EEF1A2: variants seen among roughly 807,000 people sequenced by gnomAD.
EEF1A2 encodes elongation factor 1-alpha 2.
Under a neutral mutation model 39.3 loss-of-function variants are expected in EEF1A2, and 5 were observed. The observed-to-expected ratio is 0.13, with a 90% CI of 0.07 to 0.27. The LOEUF is 0.27. EEF1A2 is among the 10% of genes least tolerant of loss of function. The pLI, the probability that EEF1A2 is intolerant of heterozygous loss-of-function variation, is 1.00. For missense variants in EEF1A2, 218 were observed against 681.4 expected (o/e 0.32, Z 7.57); for synonymous variants, 287 against 293.7 (o/e 0.98, Z 0.23).
chr20:63,491,868 G>A (rs1475778811), intron 5 of EEF1A2, among the ~76,000 whole-genome samples: 3 of 82,774 alleles, frequency 3.6e-5, no homozygotes, highest in Non-Finnish European at 9.3e-5. Flanking sequence ...ATGGGGAGGT[G>A]GATGGATAGA....
chr20:63,499,048 G>A lies in EEF1A2; in HGVS notation c.-72+10C>T, dbSNP rs2082431936. ...GCGGGGGCGGAGGCCCGGGGGCCGA[G>A]CGTCCTTACCCGGAGCCGAGGTCTC... On this transcript the variant is annotated intron_variant, in intron 1 of 7. Coordinates refer to ENST00000217182, the MANE Select transcript of EEF1A2 (RefSeq NM_001958.5). 6.8e-6 allele frequency: 1 copy of A among 148,094 alleles called. No individual in the cohort carries two copies. Among genetic ancestry groups the A allele is most frequent in the Non-Finnish European group, 1.5e-5 (1 of 66,562 alleles). The allele number at this position is 148,094 out of a possible 1,614,324, so 9.2% of individuals were successfully genotyped here.
At position 63,498,303 on chromosome 20, in the gene EEF1A2, T is replaced by A. The variant is rs1288379327; in HGVS notation, c.-71-469A>T. On this transcript the variant is annotated intron_variant, in intron 1 of 7. Transcript: ENST00000217182. This position sits in a 1 kb window ranked among gnomAD's most constrained non-coding sequence, Gnocchi z 4.1. ...GGGAGAGATGGCCACTGCTCCCCAC[T>A]CCCCTCCTCAGGCAGGGACGGCGCC... is the stretch of plus-strand genomic sequence containing the variant. 1 of 151,592 alleles carries A rather than the reference T, an allele frequency of 6.6e-6. No individual in the cohort carries two copies. Among genetic ancestry groups the A allele is most frequent in the Non-Finnish European group, 1.5e-5 (1 of 68,062 alleles). The allele number at this position is 151,592 out of a possible 1,614,324, so 9.4% of individuals were successfully genotyped here. A position where few individuals can be genotyped will look rare whatever the true frequency, so the allele number is the denominator to read the frequency against.
rs1248485644 is a variant in EEF1A2, at chr20:63,488,248, G to A, written c.*50C>T. ...GGCGGGGCGGGGGCCCGGGCCCGGG[G>A]TTCGGAGCGCGGCACCGCCGGGGAG... On this transcript the variant is annotated 3_prime_UTR_variant, in exon 8 of 8. Transcript: ENST00000217182. The A allele has an allele frequency of 3.7e-5, 36 of 980,228 alleles. No homozygotes were observed. The highest frequency in any genetic ancestry group is 5.3e-4 in the Middle Eastern group (1 of 1,888). 60.7% of individuals were successfully genotyped at this position (980,228 alleles called of 1,614,324 possible). A position where few individuals can be genotyped will look rare whatever the true frequency, so the allele number is the denominator to read the frequency against.
chr20:63,495,834 C>A, intron 3 of EEF1A2, 22 bp downstream of exon 3: 1 of 1,610,830 alleles, frequency 6.2e-7, no homozygotes. Context: ...TCCCCCAGCC[C>A]CGCCTGCTGT....
At position 63,497,027 on chromosome 20, in the gene EEF1A2, G is replaced by C. The variant is rs2082421220; in HGVS notation, c.144+593C>G. ...TCCTGGGTGGGGGATGGGGATCAGA[G>C]AGCAGACCCCGTCTCATGACCGCTC... On this transcript the variant is annotated intron_variant, in intron 2 of 7. Transcript: ENST00000217182. This position sits in a 1 kb window ranked among gnomAD's most constrained non-coding sequence, Gnocchi z 7.3. The C allele has an allele frequency of 6.6e-6, 1 of 152,430 alleles. No individual in the cohort carries two copies. Among genetic ancestry groups the C allele is most frequent in the Admixed American group, 6.5e-5 (1 of 15,284 alleles). 9.4% of individuals were successfully genotyped at this position (152,430 alleles called of 1,614,324 possible).
chr20:63,497,968 A>C lies in EEF1A2; in HGVS notation c.-71-134T>G, dbSNP rs1378657343. On this transcript the variant is annotated intron_variant, in intron 1 of 7. Coordinates refer to ENST00000217182, the MANE Select transcript of EEF1A2 (RefSeq NM_001958.5). The surrounding 1 kb of genome is among the most constrained non-coding windows in gnomAD (Gnocchi z 7.3). ...AGCCCCCATGTTTGGTGGGGAGGGA[A>C]GGGCCCCCACCCACAGCTGGGCCTG... 1 of 651,410 alleles carries C rather than the reference A, an allele frequency of 1.5e-6. No homozygotes were observed. The highest frequency in any genetic ancestry group is 2.4e-6 in the Non-Finnish European group (1 of 408,274). 40.4% of individuals were successfully genotyped at this position (651,410 alleles called of 1,614,324 possible).
At chr20:63,494,659 G>A in intron 4 of EEF1A2, 146 bp downstream of exon 4, 3 of 1,201,980 alleles carry the variant, frequency 2.5e-6, no homozygotes, top group Non-Finnish European at 3.4e-6. Context: ...CCCTGAGCCA[G>A]TTAGGGAAAC....
In EEF1A2 at chr20:63,488,159, C is replaced by A; in HGVS notation, c.*139G>T. The A allele has an allele frequency of 2.3e-6, 1 of 433,554 alleles. No individual in the cohort carries two copies. The highest frequency in any genetic ancestry group is 3.0e-6 in the Non-Finnish European group (1 of 330,796). 26.9% of individuals were successfully genotyped at this position (433,554 alleles called of 1,614,324 possible). On this transcript the variant is annotated 3_prime_UTR_variant, in exon 8 of 8. Transcript: ENST00000217182. ...CCAGTCGCTGACCGAGGGCCTCTGG[C>A]AAGCGGAGGTGCAGACATGCGCCTG...
In EEF1A2 at chr20:63,497,993, G is replaced by A; in HGVS notation, c.-71-159C>T. 1 of 537,340 alleles carries A rather than the reference G, an allele frequency of 1.9e-6. No individual in the cohort carries two copies. Among genetic ancestry groups the A allele is most frequent in the South Asian group, 2.5e-5 (1 of 39,530 alleles). The allele number at this position is 537,340 out of a possible 1,614,324, so 33.3% of individuals were successfully genotyped here. On this transcript the variant is annotated intron_variant, in intron 1 of 7. Transcript: ENST00000217182. The surrounding 1 kb of genome is among the most constrained non-coding windows in gnomAD (Gnocchi z 7.3). Reference sequence around the variant, plus strand: ...AGGGCCCCCACCCACAGCTGGGCCTGGCCAGGGCAAGCAGAGGCTGTGCAC... The same window carrying A: ...AGGGCCCCCACCCACAGCTGGGCCTAGCCAGGGCAAGCAGAGGCTGTGCAC...
rs1464449962 is a variant in EEF1A2 at position 63,492,162 on chromosome 20, ATGTATGGGTGGG to A, written c.772+963_772+974del. ...GATGGATGGGGAGGTGGATGGATGG[ATGTATGGGTGGG>A]TAGGTGGGTGGATAGATGGATGGAT... is the stretch of plus-strand genomic sequence containing the variant. On this transcript the variant is annotated intron_variant, in intron 5 of 7. Transcript: ENST00000217182. 8.8e-5 allele frequency among the ~76,000 whole-genome samples: 11 copies of A among 124,762 alleles called. 1 individual carries two copies. Among genetic ancestry groups the A allele is most frequent in the Non-Finnish European group, 1.0e-4 (6 of 58,756 alleles). The allele number at this position is 124,762 out of a possible 152,430, so 81.8% of individuals were successfully genotyped here. A position where few individuals can be genotyped will look rare whatever the true frequency, so the allele number is the denominator to read the frequency against.
rs1600902215 is a variant in EEF1A2 at position 63,489,099 on chromosome 20, G to A, written c.1083C>T (p.Ile361=). Reference sequence around the variant, plus strand: ...AGGCGATGTGGGCTGTGTGGCAGTCGATGACCGGGGAGTAGCCGGCGCTAA... The same window carrying A: ...AGGCGATGTGGGCTGTGTGGCAGTCAATGACCGGGGAGTAGCCGGCGCTAA... ...GQISAGYSPV[I]DCHTAHIACK... The change falls in exon 7 of 8, where the codon ATC becomes ATT. Residue 361 remains isoleucine, a synonymous_variant. Transcript: ENST00000217182. 3 of 1,612,770 alleles carry A rather than the reference G, an allele frequency of 1.9e-6. No individual in the cohort carries two copies. The highest frequency in any genetic ancestry group is 2.5e-6 in the Non-Finnish European group (3 of 1,179,932).
intron 6 of EEF1A2, chr20:63,490,167 A>G: frequency 3.8e-6 from 1 of 263,786 alleles, no homozygotes; most frequent in South Asian, 7.2e-5. Context: ...TCCCAGGTTC[A>G]AGCGATTCTC....
At chr20:63,489,259 C>A in intron 6 of EEF1A2, 107 bp from the exon 7 acceptor site, 1 of 1,153,018 alleles carries the variant, frequency 8.7e-7, no homozygotes, top group Non-Finnish European at 1.2e-6. Flanking sequence ...GCACGGGCTC[C>A]TGGGCCCGGA....
intron 6 of EEF1A2, among the ~76,000 whole-genome samples, chr20:63,489,770 G>A (rs967145292): frequency 1.4e-4 from 22 of 152,116 alleles, no homozygotes; most frequent in Admixed American, 2.6e-4. Flanking sequence ...GCAACAGAGC[G>A]AGACTCCGTC....
At chr20:63,496,408 G>T in intron 2 of EEF1A2, 1 of 250,820 alleles carries the variant, frequency 4.0e-6, no homozygotes. Context: ...CTCAACCAGA[G>T]GCCAATAATA....
intron 4 of EEF1A2, among the ~76,000 whole-genome samples, chr20:63,494,381 A>G (rs2082406708): frequency 6.6e-6 from 1 of 152,198 alleles, no homozygotes; most frequent in Non-Finnish European, 1.5e-5. Flanking sequence ...ACCCTGCTCC[A>G]AGATCCCAGG....
intron 6 of EEF1A2, 66 bp downstream of exon 6, chr20:63,490,413 T>C: frequency 1.3e-6 from 2 of 1,548,686 alleles, no homozygotes; most frequent in Non-Finnish European, 1.7e-6. Context: ...GACAGCAGCC[T>C]CACCCAGGAC....
At chr20:63,493,078 C>G in intron 5 of EEF1A2, 59 bp downstream of exon 5, 1 of 1,517,748 alleles carries the variant, frequency 6.6e-7, no homozygotes, top group South Asian at 1.2e-5. Flanking sequence ...GTAGGGGCCC[C>G]TGGTCTAGGG....
chr20:63,488,794 G>A, intron 7 of EEF1A2, 124 bp downstream of exon 7: 1 of 1,097,518 alleles, frequency 9.1e-7, no homozygotes. Context: ...CCATGCTCTG[G>A]GCCAAGCTCC....
Sources: allele counts gnomAD v4.1 joint callset (sites outside exome capture counted in the v4.1 genomes callset), GRCh38; gene constraint gnomAD v4.1.1; non-coding constraint Gnocchi (gnomAD v3.1); transcripts MANE v1.5; gene names NCBI Gene and HGNC (gene_info 2026-07-23, HGNC 2026-07-21).